PRR16: variants seen among roughly 807,000 people sequenced by gnomAD.
The protein encoded by PRR16 is protein Largen.
Under a neutral mutation model 18.2 loss-of-function variants are expected in PRR16, and 6 were observed. The observed-to-expected ratio is 0.33, with a 90% CI of 0.18 to 0.65. The LOEUF (loss-of-function observed/expected upper bound fraction) is 0.65, where lower values mean the gene tolerates loss of function less well. Ranked by LOEUF, PRR16 falls within the 30% of genes least tolerant of loss-of-function variation. The pLI, the probability that PRR16 is intolerant of heterozygous loss-of-function variation, is 0.74. For synonymous variants in PRR16, 151 were observed against 147.8 expected (o/e 1.02, Z -0.16); for missense variants, 412 against 376.6 (o/e 1.09, Z -0.78).
At chr5:120,541,468 G>A (rs946359767) in intron 1 of PRR16, among the ~76,000 whole-genome samples, 3 of 152,110 alleles carry the variant, frequency 2.0e-5, no homozygotes, top group Non-Finnish European at 4.4e-5. Flanking sequence ...TTAAAAGCCT[G>A]AATGTTTTTG....
chr5:120,691,363 G>C (rs1340414112), downstream of PRR16, among the ~76,000 whole-genome samples: 2 of 152,158 alleles, frequency 1.3e-5, no homozygotes, highest in African/African-American at 2.4e-5. Flanking sequence ...ATATGAAAGG[G>C]ATTTCAGGCA....
At chr5:120,754,502 T>TAA in the PRR16 span, among the ~76,000 whole-genome samples, 30 of 75,666 alleles carry the variant, frequency 4.0e-4, no homozygotes, top group African/African-American at 1.2e-3. Flanking sequence ...ATGTATTTTA[T>TAA]TATGTATATT....
chr5:120,607,848 C>T (rs574607592), intron 1 of PRR16, among the ~76,000 whole-genome samples: 2 of 151,566 alleles, frequency 1.3e-5, no homozygotes, highest in African/African-American at 4.9e-5. Context: ...ATACCTGACA[C>T]ATTCTAAGAC....
intron 1 of PRR16, among the ~76,000 whole-genome samples, chr5:120,652,434 G>T (rs1344312410): frequency 6.6e-6 from 1 of 151,970 alleles, no homozygotes; most frequent in African/African-American, 2.4e-5. Flanking sequence ...ACTTTATATT[G>T]GAGAAACTGA....
chr5:120,714,930 T>C, the PRR16 span, among the ~76,000 whole-genome samples: 1 of 151,644 alleles, frequency 6.6e-6, no homozygotes, highest in Admixed American at 6.6e-5. Context: ...TAAATGGGAG[T>C]TGAAAAATGA....
intron 1 of PRR16, among the ~76,000 whole-genome samples, chr5:120,542,403 C>G (rs959577057): frequency 9.2e-5 from 14 of 152,028 alleles, no homozygotes; most frequent in Non-Finnish European, 2.1e-4. Flanking sequence ...TACCTATATA[C>G]TCTTCACCCT....
intron 1 of PRR16, among the ~76,000 whole-genome samples, chr5:120,517,244 A>C (rs945627985): frequency 1.3e-5 from 2 of 152,202 alleles, no homozygotes; most frequent in Non-Finnish European, 2.9e-5. Context: ...TGTTTAATTT[A>C]CTTTACTAGA....
At chr5:120,698,744 A>T in the PRR16 span, among the ~76,000 whole-genome samples, 1 of 152,060 alleles carries the variant, frequency 6.6e-6, no homozygotes, top group African/African-American at 2.4e-5. Flanking sequence ...TGGTAAAAGT[A>T]TTGTCCAGTC....
rs539415088 is a variant in PRR16, at chr5:120,482,581, C to T, written c.159+17936C>T. On this transcript the variant is annotated intron_variant, in intron 1 of 1. Transcript: ENST00000407149. ...GTCTTTGCTATTATGAATAGTGATG[C>T]GATGAACATATGAGTATGTGTGTTT... 2.6e-5 allele frequency among the ~76,000 whole-genome samples: 4 copies of T among 152,084 alleles called. No individual in the cohort carries two copies. In the East Asian group the frequency reaches 5.8e-4, roughly 22 times the overall value.
chr5:120,540,689 T>A lies in PRR16; in HGVS notation c.159+76044T>A, dbSNP rs538334597. On this transcript the variant is annotated intron_variant, in intron 1 of 1. Coordinates refer to ENST00000407149, the MANE Select transcript of PRR16 (RefSeq NM_001300783.2). ...TTCCATTATTGGAACGCTAAGCATC[T>A]GGGAGTTATTTATATCCTACTGCTC... 2.3e-4 allele frequency among the ~76,000 whole-genome samples: 35 copies of A among 152,290 alleles called. No individual in the cohort carries two copies. In the East Asian group the frequency reaches 6.8e-3, roughly 29 times the overall value.
the PRR16 span, among the ~76,000 whole-genome samples, chr5:120,709,120 T>G: frequency 1.3e-5 from 2 of 149,798 alleles, no homozygotes; most frequent in Non-Finnish European, 1.5e-5. Flanking sequence ...CCGTTCTCCT[T>G]CCTCAGCCTC....
At chr5:120,545,035 A>G (rs1752032954) in intron 1 of PRR16, among the ~76,000 whole-genome samples, 3 of 152,170 alleles carry the variant, frequency 2.0e-5, no homozygotes, top group African/African-American at 7.2e-5. Context: ...CCAAGTCATC[A>G]GTACACTGGG....
intron 1 of PRR16, among the ~76,000 whole-genome samples, chr5:120,537,266 A>T (rs757482683): frequency 3.3e-5 from 5 of 152,236 alleles, no homozygotes; most frequent in African/African-American, 4.8e-5. Context: ...AATACATGGA[A>T]AATTACAAGT....
chr5:120,496,418 A>T (rs1372918710), intron 1 of PRR16, among the ~76,000 whole-genome samples: 4 of 152,016 alleles, frequency 2.6e-5, no homozygotes, highest in African/African-American at 7.2e-5. Context: ...TTTATTTCAT[A>T]TTGGATATGG....
chr5:120,696,948 T>C, the PRR16 span, among the ~76,000 whole-genome samples: 1 of 145,884 alleles, frequency 6.9e-6, no homozygotes, highest in Non-Finnish European at 1.5e-5. Context: ...GCAATTAATA[T>C]ATTGTGCTTA....
chr5:120,767,546 C>CAAAG, the PRR16 span, among the ~76,000 whole-genome samples: 2 of 151,814 alleles, frequency 1.3e-5, no homozygotes, highest in Non-Finnish European at 2.9e-5. Flanking sequence ...TTTGAAGAGT[C>CAAAG]AAAGATTTTT....
At chr5:120,563,690 G>C (rs1375701736) in intron 1 of PRR16, among the ~76,000 whole-genome samples, 2 of 152,292 alleles carry the variant, frequency 1.3e-5, no homozygotes, top group East Asian at 3.9e-4. Context: ...TCTAGGCTTG[G>C]AGTTGGAGAT....
intron 1 of PRR16, among the ~76,000 whole-genome samples, chr5:120,569,066 A>T (rs1160953854): frequency 6.6e-6 from 1 of 151,988 alleles, no homozygotes; most frequent in Non-Finnish European, 1.5e-5. Flanking sequence ...CTCACATTCT[A>T]TACATGCCTC....
At chr5:120,690,515 G>C (rs1298804091), downstream of PRR16, among the ~76,000 whole-genome samples, 2 of 152,128 alleles carry the variant, frequency 1.3e-5, no homozygotes, top group African/African-American at 2.4e-5. Flanking sequence ...AAATACGGAT[G>C]ATTTCTAACT....
Sources: allele counts gnomAD v4.1 joint callset (sites outside exome capture counted in the v4.1 genomes callset), GRCh38; gene constraint gnomAD v4.1.1; transcripts MANE v1.5; gene names NCBI Gene and HGNC (gene_info 2026-07-23, HGNC 2026-07-21).